Variants in PTPA observed in about 807,000 individuals in gnomAD.
The protein encoded by PTPA is serine/threonine-protein phosphatase 2A activator.
In PTPA, 13 loss-of-function variants were observed where a neutral mutation model predicts 43.6. That is an observed-to-expected ratio of 0.30 (90% confidence interval 0.19 to 0.47). The LOEUF is 0.47. Among genes scored for constraint, PTPA ranks in the 20% least tolerant of loss-of-function variants. The pLI, the probability that PTPA is intolerant of heterozygous loss-of-function variation, is 0.99. For synonymous variants in PTPA, 172 were observed against 158.2 expected (o/e 1.09, Z -0.66); for missense variants, 329 against 411.9 (o/e 0.80, Z 1.74).
chr9:129,126,815 A>G (rs1237916112), intron 3 of PTPA, among the ~76,000 whole-genome samples: 1 of 152,128 alleles, frequency 6.6e-6, no homozygotes, highest in African/African-American at 2.4e-5. Flanking sequence ...ACAACATTCA[A>G]AAAGCCCTCT....
At chr9:129,147,315 T>C in intron 9 of PTPA, 72 bp from the exon 10 acceptor site, 1 of 1,483,412 alleles carries the variant, frequency 6.7e-7, no homozygotes, top group Non-Finnish European at 9.4e-7. Flanking sequence ...TGGGAGCTGC[T>C]GCGGTTGTTG....
intron 5 of PTPA, 68 bp downstream of exon 5, chr9:129,131,707 T>G (rs1286285734): frequency 4.1e-6 from 6 of 1,449,700 alleles, no homozygotes; most frequent in Non-Finnish European, 1.9e-6. Context: ...CTTCAGGTGG[T>G]CTCTGGGCCC....
upstream of PTPA, chr9:129,111,183 C>A: frequency 9.1e-7 from 1 of 1,099,972 alleles, no homozygotes. Flanking sequence ...GGTGGTACTC[C>A]GGGACAGGAG....
intron 1 of PTPA, 86 bp from the exon 2 acceptor site, chr9:129,120,427 G>A (rs3124504): frequency 0.75 from 608,883 of 813,476 alleles, 202,159 homozygotes; most frequent in African/African-American, 0.93. Context: ...TCCGTCTCAA[G>A]AAAAAAAAAA....
Position 129,137,632 on chromosome 9 carries a change from G to A in PTPA, c.726G>A (p.Lys242=). ...YLEPRHFVDE[K]AVNENHKDYM... is the part of the protein sequence containing the mutation. The stretch of plus-strand genomic sequence containing the variant: ...AGCCCAGACACTTTGTGGATGAGAA[G>A]GCCGTGAATGAGAACCACAAGGACT... The change falls in exon 8 of 10, where the codon AAG becomes AAA. Residue 242 remains lysine, a synonymous_variant. Transcript: ENST00000393370. The A allele has an allele frequency of 6.2e-7, 1 of 1,613,168 alleles. No homozygotes were observed. Among genetic ancestry groups the A allele is most frequent in the Non-Finnish European group, 8.5e-7 (1 of 1,179,602 alleles).
At position 129,128,994 on chromosome 9, in the gene PTPA, A is replaced by G; in HGVS notation, c.226A>G (p.Lys76Glu). ...FEYRVSEAIE[K>E]LVALLNTLDR... ...TATTTTGCCTCCACAGGCCATTGAG[A>G]AACTAGTCGCTCTTCTCAACACGCT... is the stretch of plus-strand genomic sequence containing the variant. Residue 76 changes from lysine (K) to glutamate (E), a missense_variant, in exon 4 of 10, where the codon AAA (lysine) becomes GAA (glutamate). Coordinates refer to ENST00000393370, the MANE Select transcript of PTPA (RefSeq NM_178000.3). 6.2e-7 allele frequency: 1 copy of G among 1,613,216 alleles called. No homozygotes were observed. The highest frequency in any genetic ancestry group is 1.3e-5 in the African/African-American group (1 of 75,014).
chr9:129,123,258 G>A, intron 3 of PTPA, 120 bp downstream of exon 3: 2 of 746,848 alleles, frequency 2.7e-6, no homozygotes. Flanking sequence ...CGGCTCACGA[G>A]GTCAGGAGAT....
chr9:129,129,244 C>T, intron 4 of PTPA, 134 bp downstream of exon 4: 4 of 1,288,334 alleles, frequency 3.1e-6, no homozygotes, highest in Non-Finnish European at 4.2e-6. Context: ...GTCAATTTCA[C>T]TTAGCAAAAT....
chr9:129,144,614 C>T (rs1851166561), intron 9 of PTPA, among the ~76,000 whole-genome samples: 1 of 151,752 alleles, frequency 6.6e-6, no homozygotes, highest in Non-Finnish European at 1.5e-5. Flanking sequence ...TGGCGGGTGC[C>T]TGTAGTCCCA....
At chr9:129,142,662 G>T in intron 9 of PTPA, 110 bp downstream of exon 9, 2 of 1,553,864 alleles carry the variant, frequency 1.3e-6, no homozygotes, top group Non-Finnish European at 1.7e-6. Flanking sequence ...CTACCCCACT[G>T]TTTTGCTCTG....
At chr9:129,111,362 C>T (rs1226105149), upstream of PTPA, 5 of 1,212,596 alleles carry the variant, frequency 4.1e-6, no homozygotes, top group Non-Finnish European at 5.2e-6. Flanking sequence ...CGCCCGGTTC[C>T]GCGCGTCCGC....
chr9:129,126,118 C>T (rs190122882), intron 3 of PTPA, among the ~76,000 whole-genome samples: 1 of 151,960 alleles, frequency 6.6e-6, no homozygotes, highest in Non-Finnish European at 1.5e-5. Context: ...CACTGCACTC[C>T]AGCCCAGGCG....
chr9:129,127,910 G>C, intron 3 of PTPA: 1 of 1,165,304 alleles, frequency 8.6e-7, no homozygotes, highest in Non-Finnish European at 1.2e-6. Flanking sequence ...GCAGTGGCAC[G>C]ATGAAATGTT....
At chr9:129,134,504 A>C (rs971827187) in intron 5 of PTPA, among the ~76,000 whole-genome samples, 3 of 151,874 alleles carry the variant, frequency 2.0e-5, no homozygotes, top group Admixed American at 1.3e-4. Flanking sequence ...GGGTTTTGCC[A>C]TGTTGGCCAG....
chr9:129,110,980 T>G, upstream of PTPA: 2 of 1,370,232 alleles, frequency 1.5e-6, no homozygotes. The surrounding 1 kb of genome is among the most constrained non-coding windows in gnomAD (Gnocchi z 5.3). Context: ...AAGGAGGAGG[T>G]CACCGTCCAG....
At chr9:129,142,183 T>A (rs1457893514) in intron 8 of PTPA, 1 of 384,950 alleles carries the variant, frequency 2.6e-6, no homozygotes, top group Non-Finnish European at 4.6e-6. Context: ...TGCGGGTAGG[T>A]GGGCAAGGAA....
chr9:129,146,208 G>C (rs1928473), intron 9 of PTPA, among the ~76,000 whole-genome samples: 5,893 of 152,186 alleles, frequency 0.039, 362 homozygotes, highest in African/African-American at 0.13. Flanking sequence ...CTCCCGCCCA[G>C]GGACCACCTC....
intron 5 of PTPA, among the ~76,000 whole-genome samples, chr9:129,132,507 A>G (rs1333192968): frequency 6.6e-6 from 1 of 151,716 alleles, no homozygotes. Flanking sequence ...CTGGCAATTT[A>G]TTTATTTATT....
intron 5 of PTPA, 98 bp from the exon 6 acceptor site, chr9:129,134,697 C>CT: frequency 1.1e-6 from 1 of 945,864 alleles, no homozygotes; most frequent in Non-Finnish European, 1.6e-6. Context: ...CCACCCTCCT[C>CT]AGAGGGGCAC....
Sources: allele counts gnomAD v4.1 joint callset (sites outside exome capture counted in the v4.1 genomes callset), GRCh38; gene constraint gnomAD v4.1.1; non-coding constraint Gnocchi (gnomAD v3.1); transcripts MANE v1.5; gene names NCBI Gene and HGNC (gene_info 2026-07-23, HGNC 2026-07-21).